The following KLHL29 variants were observed in gnomAD, a reference collection of about 807,000 sequenced individuals.
The protein encoded by KLHL29 is kelch-like protein 29.
KLHL29 carries 21 observed loss-of-function variants against 80.4 expected under a neutral mutation model. That is an observed-to-expected ratio of 0.26 (90% confidence interval 0.19 to 0.38). KLHL29 has a LOEUF of 0.38. Ranked by LOEUF, KLHL29 falls within the 10% of genes least tolerant of loss-of-function variation. The pLI, the probability that KLHL29 is intolerant of heterozygous loss-of-function variation, is 1.00. For synonymous variants in KLHL29, 511 were observed against 526.8 expected (o/e 0.97, Z 0.41); for missense variants, 867 against 1,223.9 (o/e 0.71, Z 4.35).
At chr2:23,583,262 A>G (rs1358345927) in intron 3 of KLHL29, among the ~76,000 whole-genome samples, 1 of 152,160 alleles carries the variant, frequency 6.6e-6, no homozygotes, top group Non-Finnish European at 1.5e-5. Flanking sequence ...TGGACACCCC[A>G]TGGAAGGGTC....
chr2:23,644,805 C>T (rs1669875228), intron 5 of KLHL29, among the ~76,000 whole-genome samples: 1 of 152,242 alleles, frequency 6.6e-6, no homozygotes, highest in Admixed American at 6.5e-5. Context: ...ATTCCCTCTA[C>T]CAGGCCCCAC....
intron 1 of KLHL29, among the ~76,000 whole-genome samples, chr2:23,459,351 G>C (rs1664146257): frequency 6.6e-6 from 1 of 152,170 alleles, no homozygotes; most frequent in Non-Finnish European, 1.5e-5. Flanking sequence ...TGGGACTGGA[G>C]AGAATATGTT....
At chr2:23,654,777 C>A (rs1670194612) in intron 5 of KLHL29, among the ~76,000 whole-genome samples, 2 of 150,704 alleles carry the variant, frequency 1.3e-5, no homozygotes, top group Non-Finnish European at 2.9e-5. Context: ...GTATTCCTTG[C>A]ATCTGCCCTG....
At chr2:23,633,792 T>TGTGTG (rs1190935622) in intron 3 of KLHL29, among the ~76,000 whole-genome samples, 5 of 151,794 alleles carry the variant, frequency 3.3e-5, no homozygotes, top group South Asian at 2.1e-4. Flanking sequence ...TGTGTGTGTG[T>TGTGTG]TTAATTTGAC....
Position 23,544,174 on chromosome 2 carries a change from C to T in KLHL29, c.-45-17978C>T, listed in dbSNP as rs181553520. Among the ~76,000 whole-genome samples the T allele has an allele frequency of 2.5e-3, 377 of 152,252 alleles. 3 individuals are homozygous for T. Among genetic ancestry groups the T allele is most frequent in the African/African-American group, 8.4e-3 (350 of 41,552 alleles). ...ACAGGCCTGAGTCCAGGATCTTGCC[C>T]GTCTGTGGGGAGAGAAGACGGGCAC... On this transcript the variant is annotated intron_variant, in intron 2 of 13. Transcript: ENST00000486442.
intron 2 of KLHL29, among the ~76,000 whole-genome samples, chr2:23,492,514 C>T (rs577667962): frequency 9.8e-5 from 15 of 152,336 alleles, no homozygotes; most frequent in African/African-American, 2.9e-4. Flanking sequence ...GCTACTCTTC[C>T]ATTGGCTGGC....
intron 1 of KLHL29, among the ~76,000 whole-genome samples, chr2:23,409,695 G>A (rs1666816159): frequency 6.6e-6 from 1 of 152,226 alleles, no homozygotes; most frequent in South Asian, 2.1e-4. Context: ...CAGGCACTGT[G>A]CTTGGTGTTG....
chr2:23,397,168 G>A (rs1666472639), intron 1 of KLHL29, among the ~76,000 whole-genome samples: 1 of 152,194 alleles, frequency 6.6e-6, no homozygotes, highest in African/African-American at 2.4e-5. Context: ...CAGGAGAGCA[G>A]CTCCTGCTGC....
At chr2:23,551,131 A>G (rs1667111673) in intron 2 of KLHL29, among the ~76,000 whole-genome samples, 1 of 152,236 alleles carries the variant, frequency 6.6e-6, no homozygotes, top group Non-Finnish European at 1.5e-5. Flanking sequence ...TAGCCACCAC[A>G]GCTCCCTCAT....
chr2:23,397,844 T>C (rs544799860), intron 1 of KLHL29, among the ~76,000 whole-genome samples: 1 of 152,236 alleles, frequency 6.6e-6, no homozygotes, highest in Admixed American at 6.5e-5. Context: ...CAATGGCCAA[T>C]AAGGACACAA....
At chr2:23,539,483 C>G (rs1192881495) in intron 2 of KLHL29, among the ~76,000 whole-genome samples, 1 of 136,146 alleles carries the variant, frequency 7.3e-6, no homozygotes, top group Non-Finnish European at 1.5e-5. Flanking sequence ...ACTTTGTCAC[C>G]CAGGCTGGAG....
At chr2:23,510,949 A>C (rs534879322) in intron 2 of KLHL29, among the ~76,000 whole-genome samples, 1 of 152,230 alleles carries the variant, frequency 6.6e-6, no homozygotes, top group Non-Finnish European at 1.5e-5. Flanking sequence ...GGACAAAAAA[A>C]TATATATTTG....
Position 23,552,761 on chromosome 2 carries a change from C to CTTTTTTTTTTTTTTTTTTTTTTTTTT in KLHL29, c.-45-9374_-45-9373insTTTTTTTTTTTTTTTTTTTTTTTTTT, listed in dbSNP as rs60558023. On this transcript the variant is annotated intron_variant, in intron 2 of 13. Transcript: ENST00000486442. ...CACGGCTATAGCTCTGGTTTCTTTT[C>CTTTTTTTTTTTTTTTTTTTTTTTTTT]TTTTTTTTTTTTTTTTTGAGATGGC... Among the ~76,000 whole-genome samples, 22 of 95,542 alleles carry CTTTTTTTTTTTTTTTTTTTTTTTTTT rather than the reference C, an allele frequency of 2.3e-4. 7 individuals are homozygous for CTTTTTTTTTTTTTTTTTTTTTTTTTT. The highest frequency in any genetic ancestry group is 9.9e-4 in the African/African-American group (21 of 21,210). 62.7% of individuals were successfully genotyped at this position (95,542 alleles called of 152,430 possible).
chr2:23,467,115 C>G (rs944111260), intron 1 of KLHL29, among the ~76,000 whole-genome samples: 1 of 152,206 alleles, frequency 6.6e-6, no homozygotes, highest in Non-Finnish European at 1.5e-5. Context: ...GTGACCCTGC[C>G]TGGATCCAGA....
At chr2:23,435,698 C>G (rs1044384277) in intron 1 of KLHL29, among the ~76,000 whole-genome samples, 10 of 152,178 alleles carry the variant, frequency 6.6e-5, no homozygotes, top group Non-Finnish European at 7.3e-5. Context: ...GAACATCACC[C>G]TCTGCCTTTT....
chr2:23,497,959 A>G (rs985841265), intron 2 of KLHL29, among the ~76,000 whole-genome samples: 3 of 152,140 alleles, frequency 2.0e-5, no homozygotes, highest in Non-Finnish European at 4.4e-5. Flanking sequence ...TCTGGCCAGA[A>G]TCCTAGGATT....
In KLHL29 at chr2:23,680,285, T is replaced by C. The variant is rs1671039194; in HGVS notation, c.941-4114T>C. 6.6e-6 allele frequency among the ~76,000 whole-genome samples: 1 copy of C among 152,040 alleles called. No individual in the cohort carries two copies. The highest frequency in any genetic ancestry group is 2.4e-5 in the African/African-American group (1 of 41,390). On this transcript the variant is annotated intron_variant, in intron 5 of 13. Coordinates refer to ENST00000486442, the MANE Select transcript of KLHL29 (RefSeq NM_052920.2). The surrounding 1 kb of genome is among the most constrained non-coding windows in gnomAD (Gnocchi z 4.1). ...GAGGAGTCTGGGGAAGGCCTGCGGA[T>C]TGCGGGCAGTGGACCGTCTTCCACG...
chr2:23,412,163 C>T (rs1350964984), intron 1 of KLHL29, among the ~76,000 whole-genome samples: 2 of 142,764 alleles, frequency 1.4e-5, no homozygotes, highest in African/African-American at 5.4e-5. Flanking sequence ...GATGGAAGGG[C>T]CATCTCTGAC....
intron 3 of KLHL29, among the ~76,000 whole-genome samples, chr2:23,637,593 A>G (rs1669649594): frequency 6.6e-6 from 1 of 152,234 alleles, no homozygotes. Flanking sequence ...CGCAGCCCAC[A>G]GGTCCTAATG....
Sources: allele counts gnomAD v4.1 joint callset (sites outside exome capture counted in the v4.1 genomes callset), GRCh38; gene constraint gnomAD v4.1.1; non-coding constraint Gnocchi (gnomAD v3.1); transcripts MANE v1.5; gene names NCBI Gene and HGNC (gene_info 2026-07-23, HGNC 2026-07-21).